Variants in TNRC6B observed in about 807,000 individuals in gnomAD.
The protein encoded by TNRC6B is trinucleotide repeat-containing gene 6B protein.
In TNRC6B, 52 loss-of-function variants were observed where a neutral mutation model predicts 203.6. The observed-to-expected ratio is 0.26, with a 90% confidence interval of 0.20 to 0.32. The LOEUF is 0.32. TNRC6B is among the 10% of genes least tolerant of loss of function. The probability of loss-of-function intolerance (pLI) is 1.00; values close to 1 mark genes in which losing one functional copy is unlikely to be tolerated. For missense variants in TNRC6B, 1,923 were observed against 2,286.2 expected (o/e 0.84, Z 3.24); for synonymous variants, 838 against 845.7 (o/e 0.99, Z 0.16).
chr22:40,267,602 C>T (rs893363122), intron 5 of TNRC6B, among the ~76,000 whole-genome samples: 1 of 152,168 alleles, frequency 6.6e-6, no homozygotes, highest in African/African-American at 2.4e-5. Flanking sequence ...AGATGGCTCA[C>T]ACCTGTAATC....
intron 4 of TNRC6B, among the ~76,000 whole-genome samples, chr22:40,263,660 C>T (rs1159435097): frequency 6.6e-6 from 1 of 152,212 alleles, no homozygotes; most frequent in Non-Finnish European, 1.5e-5. Flanking sequence ...GAAATGATCT[C>T]ATTAAAAACA....
chr22:40,165,217 C>T (rs1210739742), intron 4 of TNRC6B, among the ~76,000 whole-genome samples: 1 of 151,888 alleles, frequency 6.6e-6, no homozygotes, highest in African/African-American at 2.4e-5. Context: ...CTCGCTGTCA[C>T]CCAGGTTGGA....
At chr22:40,106,631 G>T in intron 1 of TNRC6B, 1 of 731,676 alleles carries the variant, frequency 1.4e-6, no homozygotes. Flanking sequence ...CTTTAGATTT[G>T]GGTACCCCCA....
intron 1 of TNRC6B, among the ~76,000 whole-genome samples, chr22:40,186,730 T>A (rs2146388001): frequency 7.3e-6 from 1 of 136,422 alleles, no homozygotes; most frequent in South Asian, 2.4e-4. Flanking sequence ...AGAACAAGAC[T>A]CCATCTCAAA....
intron 1 of TNRC6B, among the ~76,000 whole-genome samples, chr22:40,232,810 C>G (rs1319707711): frequency 1.3e-5 from 2 of 152,152 alleles, no homozygotes; most frequent in Non-Finnish European, 2.9e-5. Context: ...AACAGGAATT[C>G]GAGACCAGCC....
chr22:40,248,017 T>C (rs899305052), intron 2 of TNRC6B, among the ~76,000 whole-genome samples: 4 of 151,988 alleles, frequency 2.6e-5, no homozygotes, highest in East Asian at 1.9e-4. Context: ...GGAGGTTGCA[T>C]TGAGTGGAGA....
intron 1 of TNRC6B, among the ~76,000 whole-genome samples, chr22:40,076,694 C>T (rs1400501074): frequency 2.0e-5 from 3 of 152,146 alleles, no homozygotes; most frequent in Admixed American, 6.5e-5. Flanking sequence ...ACCAGCCACT[C>T]AAAAGCAATT....
chr22:40,080,424 T>C (rs539608275), intron 1 of TNRC6B, among the ~76,000 whole-genome samples: 7 of 152,344 alleles, frequency 4.6e-5, no homozygotes, highest in African/African-American at 1.7e-4. Flanking sequence ...TATGCTGTTT[T>C]AGTAACTGTG....
At chr22:40,245,958 C>G in intron 1 of TNRC6B, 57 bp from the exon 2 acceptor site, 1 of 1,373,986 alleles carries the variant, frequency 7.3e-7, no homozygotes, top group Non-Finnish European at 9.8e-7. Context: ...CAATTTGCTG[C>G]GGAAATGGAT....
At chr22:40,222,751 T>TTTTTTTTTTTTTTTTTTTTTTTTTTC (rs1165663215) in intron 1 of TNRC6B, among the ~76,000 whole-genome samples, 1 of 123,116 alleles carries the variant, frequency 8.1e-6, no homozygotes, top group Non-Finnish European at 1.7e-5. Flanking sequence ...TTTTTTTTTT[T>TTTTTTTTTTTTTTTTTTTTTTTTTTC]TTTTTTTTTT....
chr22:40,097,022 G>A (rs980595535), intron 1 of TNRC6B, among the ~76,000 whole-genome samples: 1 of 152,180 alleles, frequency 6.6e-6, no homozygotes, highest in African/African-American at 2.4e-5. Flanking sequence ...AGGGAGAACA[G>A]AGACCCCATC....
intron 7 of TNRC6B, among the ~76,000 whole-genome samples, chr22:40,274,065 TTTCCCA>T (rs2146512862): frequency 6.6e-6 from 1 of 152,356 alleles, no homozygotes; most frequent in African/African-American, 2.4e-5. Context: ...TTCGTCTTGC[TTTCCCA>T]TGACCTTGAA....
chr22:40,292,352 CAAA>C (rs3044498), intron 12 of TNRC6B, among the ~76,000 whole-genome samples: 117 of 100,800 alleles, frequency 1.2e-3, no homozygotes, highest in East Asian at 7.3e-3. Context: ...GACTCCATCT[CAAA>C]AAAAAAAAAA....
intron 19 of TNRC6B, among the ~76,000 whole-genome samples, chr22:40,313,781 A>G (rs2071220428): frequency 6.6e-6 from 1 of 152,226 alleles, no homozygotes; most frequent in Admixed American, 6.5e-5. Context: ...ACAATAACCT[A>G]CCACTCACTG....
intron 3 of TNRC6B, among the ~76,000 whole-genome samples, chr22:40,142,450 C>A (rs1200771211): frequency 6.6e-6 from 1 of 152,032 alleles, no homozygotes; most frequent in African/African-American, 2.4e-5. Context: ...AAGTGCAAAT[C>A]AAAACCACAG....
intron 1 of TNRC6B, among the ~76,000 whole-genome samples, chr22:40,056,706 G>A (rs923446943): frequency 4.6e-5 from 7 of 151,252 alleles, no homozygotes; most frequent in Admixed American, 1.3e-4. Flanking sequence ...GCTGAGGCAG[G>A]AGGATTGCAT....
At chr22:40,080,651 A>G (rs980105273) in intron 1 of TNRC6B, among the ~76,000 whole-genome samples, 1 of 152,020 alleles carries the variant, frequency 6.6e-6, no homozygotes, top group Non-Finnish European at 1.5e-5. Context: ...GCTTTACCAG[A>G]TGTCCATGGC....
In TNRC6B at chr22:40,315,394, C is replaced by T. The variant is rs563769550; in HGVS notation, c.4790C>T (p.Pro1597Leu). The change falls in exon 20 of 23, where the codon CCG (proline) becomes CTG (leucine). Residue 1597 changes from proline to leucine, a missense_variant. Pro to Leu is a moderately conservative substitution (Grantham distance 98). Around this residue, in one of 8 missense-constraint regions of TNRC6B, gnomAD observed 159 missense variants for 181.0 expected, o/e 0.88. Coordinates refer to ENST00000454349, the MANE Select transcript of TNRC6B (RefSeq NM_001162501.2). ...KNHISSRNTT[P>L]LPRPPPGLTN... ...CATATTTCCTCCAGGAACACTACAC[C>T]GCTGCCCCGCCCACCTCCTGGTCTG... The T allele has an allele frequency of 9.9e-6, 16 of 1,613,852 alleles. No individual in the cohort carries two copies. Among genetic ancestry groups the T allele is most frequent in the South Asian group, 3.3e-5 (3 of 91,086 alleles).
At position 40,067,854 on chromosome 22, in the gene TNRC6B, C is replaced by G. The variant is rs375436343; in HGVS notation, c.-121+22856C>G. ...TACCTGTCAGTCTCCTCTGGAAACA[C>G]CCTCCCAGGCACACCCAGAAGCAAT... is the stretch of plus-strand genomic sequence containing the variant. On this transcript the variant is annotated intron_variant, in intron 1 of 23. Transcript: ENST00000301923. Among the ~76,000 whole-genome samples, 20 of 152,110 alleles carry G rather than the reference C, an allele frequency of 1.3e-4. No individual in the cohort carries two copies. In the East Asian group the frequency reaches 1.5e-3, roughly 12 times the overall value.
Sources: allele counts gnomAD v4.1 joint callset (sites outside exome capture counted in the v4.1 genomes callset), GRCh38; gene constraint gnomAD v4.1.1; regional missense constraint gnomAD v4.1.1; transcripts MANE v1.5; gene names NCBI Gene and HGNC (gene_info 2026-07-23, HGNC 2026-07-21).